L3MBTL1: variants seen among roughly 807,000 people sequenced by gnomAD.
L3MBTL1 encodes lethal(3)malignant brain tumor-like protein 1.
In L3MBTL1, 75 loss-of-function variants were observed where a neutral mutation model predicts 105.3. The observed-to-expected ratio is 0.71, with a 90% CI of 0.59 to 0.86. The LOEUF is 0.86. L3MBTL1 is among the 40% of genes least tolerant of loss of function. The pLI, the probability that L3MBTL1 is intolerant of heterozygous loss-of-function variation, is 0.00. For missense variants in L3MBTL1, 1,069 were observed against 1,126.4 expected, an observed-to-expected ratio of 0.95 and a Z score of 0.73; for synonymous variants, 452 against 436.2, an observed-to-expected ratio of 1.04 and a Z score of -0.45.
Position 43,516,156 on chromosome 20 carries a change from G to T in L3MBTL1, c.841G>T (p.Glu281Ter). The change falls in exon 7 of 22, where the codon GAG becomes TAG. Residue 281 changes from glutamate to a stop codon, truncating the protein, a stop_gained. Coordinates refer to ENST00000418998, the MANE Select transcript of L3MBTL1 (RefSeq NM_001377303.1). LOFTEE classifies it high-confidence loss of function. ...CACTGCTAGCACCCCAGAGAGTGAGGAGTGGAGCAGCAGCCAGCCTGGTAC... is the reference window on the plus strand; with the variant it reads ...CACTGCTAGCACCCCAGAGAGTGAGTAGTGGAGCAGCAGCCAGCCTGGTAC... ...QPTASTPESE[E>*]WSSSQPATGE... 3 of 1,613,988 alleles carry T rather than the reference G, an allele frequency of 1.9e-6. No homozygotes were observed. Among genetic ancestry groups the T allele is most frequent in the Non-Finnish European group, 2.5e-6 (3 of 1,179,902 alleles).
chr20:43,547,190 C>T (rs1240483012), intron 18 of L3MBTL1, among the ~76,000 whole-genome samples: 5 of 150,978 alleles, frequency 3.3e-5, no homozygotes, highest in South Asian at 2.1e-4. Context: ...CTGCAAGCTC[C>T]GCCTCCCGGG....
intron 3 of L3MBTL1, among the ~76,000 whole-genome samples, 171 bp downstream of exon 3, chr20:43,514,232 T>G (rs2018233009): frequency 6.6e-6 from 1 of 151,596 alleles, no homozygotes; most frequent in Non-Finnish European, 1.5e-5. Flanking sequence ...GTTGAAGCAC[T>G]CCTAGGCCCT....
rs1285202716 is a variant in L3MBTL1 at position 43,536,461 on chromosome 20, A to G, written c.2173+3A>G. 2.5e-6 allele frequency: 4 copies of G among 1,613,750 alleles called. No homozygotes were observed. The highest frequency in any genetic ancestry group is 2.5e-6 in the Non-Finnish European group (3 of 1,179,990). ...GATTCCGCAGGAAGATTTCCAGAGT[A>G]AGTCTGGGTTATCTGCTCCTATGTC... is the stretch of plus-strand genomic sequence containing the variant. On this transcript the variant is annotated splice_donor_region_variant and intron_variant, in intron 19 of 21. Coordinates refer to ENST00000418998, the MANE Select transcript of L3MBTL1 (RefSeq NM_001377303.1).
At position 43,547,135 on chromosome 20, in the gene L3MBTL1, C is replaced by T. The variant is rs562360246; in HGVS notation, c.2125-976C>T. ...TTTTTTTTTTTTTGAGACGGAGTCT[C>T]GCTCTGTCGCCCAGGCTGGAGTGCA... On this transcript the variant is annotated intron_variant, in intron 18 of 18. Coordinates refer to the L3MBTL1 transcript ENST00000422861. Among the ~76,000 whole-genome samples the T allele has an allele frequency of 2.1e-3, 289 of 136,304 alleles. 1 individual carries two copies. Among genetic ancestry groups the T allele is most frequent in the African/African-American group, 6.0e-3 (216 of 36,268 alleles). The allele number at this position is 136,304 out of a possible 152,430, so 89.4% of individuals were successfully genotyped here.
chr20:43,533,901 C>T (rs1020701114), intron 13 of L3MBTL1, 107 bp from the exon 14 acceptor site: 1 of 793,956 alleles, frequency 1.3e-6, no homozygotes, highest in African/African-American at 1.7e-5. Context: ...GGGAGAGATT[C>T]TACTCCAAGG....
At chr20:43,529,169 G>A (rs1379254399) in intron 8 of L3MBTL1, 95 bp from the exon 9 acceptor site, 11 of 820,840 alleles carry the variant, frequency 1.3e-5, no homozygotes, top group Admixed American at 6.4e-5. Flanking sequence ...AATACCAGGC[G>A]GGTGGGGCCT....
intron 16 of L3MBTL1, 94 bp from the exon 17 acceptor site, chr20:43,535,743 A>G (rs2019569854): frequency 7.9e-6 from 6 of 754,774 alleles, no homozygotes; most frequent in Admixed American, 7.3e-5. Context: ...GTGGGTTTCT[A>G]GTGCTGATCT....
intron 7 of L3MBTL1, among the ~76,000 whole-genome samples, chr20:43,519,725 C>G (rs1236863273): frequency 1.3e-5 from 2 of 152,218 alleles, no homozygotes; most frequent in Non-Finnish European, 2.9e-5. Context: ...GTTGTAGCCT[C>G]AAACTCCTGG....
intron 18 of L3MBTL1, among the ~76,000 whole-genome samples, chr20:43,547,490 A>G (rs1337036024): frequency 6.6e-6 from 1 of 152,038 alleles, no homozygotes; most frequent in East Asian, 1.9e-4. Flanking sequence ...TTGTTCCTCT[A>G]TCCCCTGTAT....
chr20:43,516,913 C>G (rs551287323), intron 7 of L3MBTL1, among the ~76,000 whole-genome samples: 1 of 152,190 alleles, frequency 6.6e-6, no homozygotes, highest in South Asian at 2.1e-4. Context: ...CCACTTCAAC[C>G]TCCTGAGTAG....
At chr20:43,527,675 G>A (rs989024152) in intron 7 of L3MBTL1, among the ~76,000 whole-genome samples, 6 of 147,758 alleles carry the variant, frequency 4.1e-5, no homozygotes, top group Non-Finnish European at 1.5e-5. Flanking sequence ...ACACATTTGT[G>A]TAAGTCTCTG....
exon 19 of L3MBTL1, chr20:43,548,127 C>A (rs1300393843): frequency 7.7e-7 from 1 of 1,304,128 alleles, no homozygotes; most frequent in Non-Finnish European, 1.0e-6. Context: ...GACGGCGAGG[C>A]CTTCCTTTTG....
intron 7 of L3MBTL1, 98 bp from the exon 8 acceptor site, chr20:43,528,559 T>G: frequency 2.4e-6 from 2 of 844,200 alleles, no homozygotes; most frequent in Non-Finnish European, 4.0e-6. Context: ...GACAAAGATT[T>G]GTTTTGGGGG....
chr20:43,539,552 G>A (rs2145489413), intron 19 of L3MBTL1: 1 of 174,342 alleles, frequency 5.7e-6, no homozygotes, highest in South Asian at 1.4e-4. Context: ...AGTGGGTCAG[G>A]GATCACCCTC....
chr20:43,519,989 G>T (rs369728118), intron 7 of L3MBTL1, among the ~76,000 whole-genome samples: 2 of 151,046 alleles, frequency 1.3e-5, no homozygotes, highest in African/African-American at 4.9e-5. Context: ...ATTCAGTGGG[G>T]TTTTTTTTTG....
At chr20:43,528,797 C>T in intron 8 of L3MBTL1, 52 bp downstream of exon 8, 1 of 1,381,278 alleles carries the variant, frequency 7.2e-7, no homozygotes, top group Middle Eastern at 1.8e-4. Context: ...AGCCTAGGGA[C>T]ACACCACCAA....
rs1168410601 is a variant in L3MBTL1 at position 43,525,561 on chromosome 20, C to CACATAT, written c.863-3093_863-3092insTATACA. On this transcript the variant is annotated intron_variant, in intron 7 of 21. Transcript: ENST00000418998. The stretch of plus-strand genomic sequence containing the variant: ...ATAGTGCACAGATTATACAACCATA[C>CACATAT]ACAGGAGCCTTGGGACTTACTTGGG... 2.4e-3 allele frequency among the ~76,000 whole-genome samples: 370 copies of CACATAT among 152,074 alleles called. 1 individual carries two copies. The highest frequency in any genetic ancestry group is 4.2e-3 in the Non-Finnish European group (287 of 68,020).
At chr20:43,527,924 G>T (rs961072882) in intron 7 of L3MBTL1, among the ~76,000 whole-genome samples, 1 of 151,268 alleles carries the variant, frequency 6.6e-6, no homozygotes, top group Admixed American at 6.6e-5. Context: ...ACAGAGTCTT[G>T]CCCTGTTGCC....
intron 7 of L3MBTL1, among the ~76,000 whole-genome samples, chr20:43,526,714 C>T (rs1024869262): frequency 2.6e-5 from 4 of 152,222 alleles, no homozygotes; most frequent in African/African-American, 4.8e-5. Flanking sequence ...AATCCCAGCA[C>T]TTTGGGAGGC....
Sources: gnomAD v4.1 joint callset for allele counts (sites outside exome capture counted in the v4.1 genomes callset) on GRCh38, gnomAD v4.1.1 for gene constraint, MANE v1.5 for transcripts, NCBI Gene and HGNC (gene_info 2026-07-23, HGNC 2026-07-21) for gene names.